LRP1B: variants seen among roughly 807,000 people sequenced by gnomAD.
The protein encoded by LRP1B is LDL receptor related protein 1B.
A neutral mutation model predicts 556.6 loss-of-function variants in LRP1B; 217 were observed. The observed-to-expected ratio is 0.39, with a 90% CI of 0.35 to 0.44. The LOEUF (loss-of-function observed/expected upper bound fraction) is 0.44, where lower values mean the gene tolerates loss of function less well. LRP1B is among the 20% of genes least tolerant of loss of function. The pLI is 1.00. For missense variants in LRP1B, 5,053 were observed against 5,620.8 expected, an observed-to-expected ratio of 0.90 and a Z score of 3.23; for synonymous variants, 2,047 against 1,865.8, an observed-to-expected ratio of 1.10 and a Z score of -2.50.
intron 5 of LRP1B, among the ~76,000 whole-genome samples, chr2:141,246,856 T>C (rs539173129): frequency 5.3e-5 from 8 of 152,168 alleles, no homozygotes; most frequent in African/African-American, 9.6e-5. Context: ...TCCCAGCTAC[T>C]TGGGAGGCTG....
intron 60 of LRP1B, 83 bp from the exon 61 acceptor site, chr2:140,457,734 A>G (rs1184223087): frequency 2.8e-6 from 3 of 1,060,334 alleles, no homozygotes; most frequent in African/African-American, 3.1e-5. Context: ...GCTGACAGAT[A>G]CAACTGCTAC....
intron 2 of LRP1B, among the ~76,000 whole-genome samples, chr2:141,673,469 T>G (rs1285801227): frequency 6.6e-6 from 1 of 152,140 alleles, no homozygotes; most frequent in East Asian, 1.9e-4. Context: ...TCCTAGCTCC[T>G]CCAACTCTCA....
intron 20 of LRP1B, among the ~76,000 whole-genome samples, chr2:140,929,216 A>C (rs971265772): frequency 1.3e-5 from 2 of 152,156 alleles, no homozygotes; most frequent in African/African-American, 4.8e-5. Flanking sequence ...TATTCAAATA[A>C]GTAGGCTATG....
chr2:140,687,589 A>G (rs1280427009), intron 41 of LRP1B, among the ~76,000 whole-genome samples: 3 of 151,836 alleles, frequency 2.0e-5, no homozygotes, highest in Non-Finnish European at 2.9e-5. Flanking sequence ...TTTTTTTAGT[A>G]CAAGTTCTTT....
At chr2:141,542,513 A>G (rs1417226068) in intron 2 of LRP1B, among the ~76,000 whole-genome samples, 2 of 152,104 alleles carry the variant, frequency 1.3e-5, no homozygotes, top group Non-Finnish European at 2.9e-5. Flanking sequence ...TATTATATTT[A>G]TCTTTATAGT....
chr2:141,597,829 C>T (rs147758028), intron 2 of LRP1B, among the ~76,000 whole-genome samples: 1,563 of 152,070 alleles, frequency 0.01, 28 homozygotes, highest in African/African-American at 0.035. Context: ...ACGTATCAGA[C>T]ATTAACAACA....
chr2:141,914,052 C>G (rs77464038), intron 1 of LRP1B, among the ~76,000 whole-genome samples: 1 of 152,074 alleles, frequency 6.6e-6, no homozygotes, highest in Non-Finnish European at 1.5e-5. Context: ...GGCCAACCCT[C>G]CTTCCTTTAA....
At chr2:141,070,667 G>T (rs1441689582) in intron 7 of LRP1B, among the ~76,000 whole-genome samples, 2 of 151,916 alleles carry the variant, frequency 1.3e-5, no homozygotes, top group Non-Finnish European at 2.9e-5. Flanking sequence ...AAATGATAAA[G>T]GGGATATCAC....
chr2:141,929,474 C>T (rs554752721), intron 1 of LRP1B, among the ~76,000 whole-genome samples: 3 of 151,980 alleles, frequency 2.0e-5, no homozygotes, highest in South Asian at 4.1e-4. Context: ...CAGATTGAAC[C>T]ATTTTTTTTA....
intron 1 of LRP1B, among the ~76,000 whole-genome samples, chr2:141,982,946 A>G (rs1012680878): frequency 1.8e-4 from 27 of 152,346 alleles, no homozygotes; most frequent in African/African-American, 6.3e-4. Flanking sequence ...TTATATGTTC[A>G]GAGAGCTGAT....
At chr2:140,728,266 A>T (rs145632633) in intron 35 of LRP1B, among the ~76,000 whole-genome samples, 99 of 152,286 alleles carry the variant, frequency 6.5e-4, no homozygotes, top group African/African-American at 2.3e-3. Flanking sequence ...AAGCAATTGC[A>T]CTGTGCTGTT....
chr2:140,855,083 A>G (rs1440376518), intron 27 of LRP1B, among the ~76,000 whole-genome samples: 1 of 152,144 alleles, frequency 6.6e-6, no homozygotes. Context: ...CCTTTTATTT[A>G]TGCATTAAAT....
chr2:141,295,384 C>A (rs186362233), intron 3 of LRP1B, among the ~76,000 whole-genome samples: 62 of 152,192 alleles, frequency 4.1e-4, no homozygotes, highest in Non-Finnish European at 6.3e-4. Context: ...CATCAGTTTT[C>A]TTTCAAACCG....
intron 66 of LRP1B, among the ~76,000 whole-genome samples, chr2:140,392,401 T>G (rs1478233608): frequency 6.6e-6 from 1 of 152,178 alleles, no homozygotes; most frequent in Non-Finnish European, 1.5e-5. Context: ...CATATCTGAT[T>G]GCTTTCTCTG....
intron 1 of LRP1B, among the ~76,000 whole-genome samples, chr2:141,914,476 C>G (rs137922922): frequency 2.0e-5 from 3 of 152,252 alleles, no homozygotes; most frequent in African/African-American, 7.2e-5. Context: ...CATTCCAAAT[C>G]AACATAGTAC....
At chr2:141,631,768 C>A (rs1688918735) in intron 2 of LRP1B, among the ~76,000 whole-genome samples, 1 of 152,116 alleles carries the variant, frequency 6.6e-6, no homozygotes, top group Non-Finnish European at 1.5e-5. Flanking sequence ...TTTTCTACAT[C>A]TTTGATGGGA....
At chr2:140,803,239 T>C (rs1223860488) in intron 32 of LRP1B, among the ~76,000 whole-genome samples, 1 of 149,316 alleles carries the variant, frequency 6.7e-6, no homozygotes, top group East Asian at 2.0e-4. Flanking sequence ...ATAAAAGTGG[T>C]CAGTATTAGT....
intron 1 of LRP1B, among the ~76,000 whole-genome samples, chr2:141,888,149 A>C (rs1437217931): frequency 6.6e-6 from 1 of 152,188 alleles, no homozygotes; most frequent in African/African-American, 2.4e-5. Flanking sequence ...AGTGGTCAAA[A>C]TGTTCACCTA....
chr2:141,450,892 G>T (rs1055688426), intron 3 of LRP1B, among the ~76,000 whole-genome samples: 4 of 152,086 alleles, frequency 2.6e-5, no homozygotes, highest in Admixed American at 1.3e-4. Context: ...CCCTAGGGTC[G>T]AAGTATTTTA....
Sources: gnomAD v4.1 joint callset for allele counts (sites outside exome capture counted in the v4.1 genomes callset) on GRCh38, gnomAD v4.1.1 for gene constraint, MANE v1.5 for transcripts, NCBI Gene and HGNC (gene_info 2026-07-23, HGNC 2026-07-21) for gene names.